STAT4: variants seen among roughly 807,000 people sequenced by gnomAD.
STAT4 encodes signal transducer and activator of transcription 4.
Under a neutral mutation model 110.5 loss-of-function variants are expected in STAT4, and 42 were observed. The ratio of observed to expected loss-of-function variants is 0.38; its 90% confidence interval spans 0.30 to 0.49. STAT4 has a LOEUF of 0.49. Ranked by LOEUF, STAT4 falls within the 20% of genes least tolerant of loss-of-function variation. STAT4 has a pLI of 0.95. For missense variants in STAT4, 632 were observed against 887.9 expected (o/e 0.71, Z 3.66); for synonymous variants, 284 against 302.2 (o/e 0.94, Z 0.63).
chr2:191,142,919 G>A lies in STAT4; in HGVS notation c.273+3694C>T, dbSNP rs896572637. 3.3e-5 allele frequency among the ~76,000 whole-genome samples: 5 copies of A among 152,064 alleles called. No individual in the cohort carries two copies. Among genetic ancestry groups the A allele is most frequent in the African/African-American group, 1.2e-4 (5 of 41,392 alleles). Reference sequence around the variant, plus strand: ...TGGTAGATATATGACATTATGCATTGTCAAAACCCATAAAATTATACAACA... The same window carrying A: ...TGGTAGATATATGACATTATGCATTATCAAAACCCATAAAATTATACAACA... On this transcript the variant is annotated intron_variant, in intron 3 of 23. Transcript: ENST00000392320. The surrounding 1 kb of genome is among the most constrained non-coding windows in gnomAD (Gnocchi z 4.1).
At chr2:191,106,395 C>T (rs1044294395) in intron 3 of STAT4, among the ~76,000 whole-genome samples, 2 of 151,738 alleles carry the variant, frequency 1.3e-5, no homozygotes, top group African/African-American at 4.8e-5. Flanking sequence ...CACGGTGGCT[C>T]ATGCCTGTAA....
chr2:191,088,795 T>C (rs1697708761), intron 3 of STAT4, among the ~76,000 whole-genome samples: 1 of 152,162 alleles, frequency 6.6e-6, no homozygotes, highest in South Asian at 2.1e-4. Context: ...AACTGACTTT[T>C]GACAAAAGGG....
chr2:191,123,581 T>C (rs574143628), intron 3 of STAT4, among the ~76,000 whole-genome samples: 11 of 152,332 alleles, frequency 7.2e-5, no homozygotes, highest in African/African-American at 2.4e-4. Flanking sequence ...AAATTGAAAA[T>C]GTGTTTAATA....
chr2:191,034,136 T>A lies in STAT4; in HGVS notation c.1621-131A>T, dbSNP rs561498200. On this transcript the variant is annotated intron_variant, in intron 18 of 23. Coordinates refer to ENST00000392320, the MANE Select transcript of STAT4 (RefSeq NM_003151.4). Reference sequence around the variant, plus strand: ...AACACCTTAATTTCTTTAAAAAATATTCTTGGCCTGGTGTGGTGGCTCATG... The same window carrying A: ...AACACCTTAATTTCTTTAAAAAATAATCTTGGCCTGGTGTGGTGGCTCATG... 286 of 729,048 alleles carry A rather than the reference T, an allele frequency of 3.9e-4. No homozygotes were observed. In the African/African-American group the frequency reaches 4.4e-3, roughly 11 times the overall value. The allele number at this position is 729,048 out of a possible 1,614,324, so 45.2% of individuals were successfully genotyped here.
intron 3 of STAT4, among the ~76,000 whole-genome samples, chr2:191,137,693 GAGAACCCAGAAATAA>G: frequency 6.6e-6 from 1 of 152,238 alleles, no homozygotes; most frequent in East Asian, 1.9e-4. Flanking sequence ...GAACAGAATA[GAGAACCCAGAAATAA>G]ATCCACATAT....
At position 191,029,979 on chromosome 2, in the gene STAT4, A is replaced by G. The variant is rs540196414; in HGVS notation, c.2221-113T>C. On this transcript the variant is annotated intron_variant, in intron 23 of 23. Coordinates refer to ENST00000392320, the MANE Select transcript of STAT4 (RefSeq NM_003151.4). This position sits in a 1 kb window ranked among gnomAD's most constrained non-coding sequence, Gnocchi z 4.5. ...CTACGAATTACTCCATAATTTTTCT[A>G]TTACCTAGTTAAAATACTTAAACTA... 115 of 829,328 alleles carry G rather than the reference A, an allele frequency of 1.4e-4. 2 individuals are homozygous for G. The South Asian group carries it at 1.7e-3, about 12-fold the overall frequency. The allele number at this position is 829,328 out of a possible 1,614,324, so 51.4% of individuals were successfully genotyped here.
At chr2:191,038,679 G>T (rs1696108925) in intron 16 of STAT4, among the ~76,000 whole-genome samples, 1 of 152,190 alleles carries the variant, frequency 6.6e-6, no homozygotes. Context: ...TTGGGTCAGT[G>T]TCACAACGAC....
rs1248538019 is a variant in STAT4, at chr2:191,116,826, T to A, written c.273+29787A>T. 2.6e-5 allele frequency among the ~76,000 whole-genome samples: 4 copies of A among 152,168 alleles called. No individual in the cohort carries two copies. The highest frequency in any genetic ancestry group is 7.2e-5 in the African/African-American group (3 of 41,432). The stretch of plus-strand genomic sequence containing the variant: ...TGTTGAATGAATAAATGACTGAAAG[T>A]AAATTTACTCAAATGTCTCAGAAAT... On this transcript the variant is annotated intron_variant, in intron 3 of 23. Transcript: ENST00000392320. The surrounding 1 kb of genome is among the most constrained non-coding windows in gnomAD (Gnocchi z 4.1).
At chr2:191,097,849 G>T (rs1252833449) in intron 3 of STAT4, among the ~76,000 whole-genome samples, 1 of 151,934 alleles carries the variant, frequency 6.6e-6, no homozygotes, top group Non-Finnish European at 1.5e-5. Context: ...GAAAAGTTTT[G>T]CAATCTACCC....
Position 191,077,749 on chromosome 2 carries a change from A to G in STAT4, c.274-1424T>C, listed in dbSNP as rs1382161236. Among the ~76,000 whole-genome samples the G allele has an allele frequency of 6.6e-6, 1 of 152,196 alleles. No individual in the cohort carries two copies. Among genetic ancestry groups the G allele is most frequent in the Non-Finnish European group, 1.5e-5 (1 of 68,026 alleles). ...ATGATGTATGTTAATTACCACTTCT[A>G]TTTGTAAAACAAGAGTAAACACCAA... On this transcript the variant is annotated intron_variant, in intron 3 of 23. Coordinates refer to ENST00000392320, the MANE Select transcript of STAT4 (RefSeq NM_003151.4). The surrounding 1 kb of genome is among the most constrained non-coding windows in gnomAD (Gnocchi z 4.1).
At chr2:191,041,754 A>C (rs1696204761) in intron 14 of STAT4, 1 of 152,292 alleles carries the variant, frequency 6.6e-6, no homozygotes, top group African/African-American at 2.4e-5. Context: ...GAAAGCACTG[A>C]GCTCCCTGAG....
intron 3 of STAT4, among the ~76,000 whole-genome samples, chr2:191,079,872 G>A (rs1697415002): frequency 1.3e-5 from 2 of 152,000 alleles, no homozygotes; most frequent in Admixed American, 6.6e-5. Flanking sequence ...TCTTGTAAAT[G>A]TTTCATGTGA....
At chr2:191,089,298 T>C (rs958529226) in intron 3 of STAT4, among the ~76,000 whole-genome samples, 19 of 152,164 alleles carry the variant, frequency 1.2e-4, no homozygotes, top group African/African-American at 4.6e-4. Flanking sequence ...AATAGGCATA[T>C]GAAAAGATGC....
Position 191,030,915 on chromosome 2 carries a change from C to A in STAT4, c.2220+57G>T. The A allele has an allele frequency of 6.6e-7, 1 of 1,512,422 alleles. No homozygotes were observed. The highest frequency in any genetic ancestry group is 9.2e-7 in the Non-Finnish European group (1 of 1,089,150). 93.7% of individuals were successfully genotyped at this position (1,512,422 alleles called of 1,614,324 possible). A position where few individuals can be genotyped will look rare whatever the true frequency, so the allele number is the denominator to read the frequency against. The stretch of plus-strand genomic sequence containing the variant: ...ATTTCAGCCCCTTTGATTCACACAC[C>A]ACCTTTGCATCGTTGGAAACACCTT... On this transcript the variant is annotated intron_variant, in intron 23 of 23. Transcript: ENST00000392320. The surrounding 1 kb of genome is among the most constrained non-coding windows in gnomAD (Gnocchi z 4.4).
intron 16 of STAT4, among the ~76,000 whole-genome samples, chr2:191,038,599 C>T (rs946689330): frequency 6.6e-6 from 1 of 152,128 alleles, no homozygotes; most frequent in South Asian, 2.1e-4. Flanking sequence ...TCTTTTTTGC[C>T]ACTCCCTTCC....
rs1446527149 is a variant in STAT4, at chr2:191,105,489, T to C, written c.274-29164A>G. On this transcript the variant is annotated intron_variant, in intron 3 of 23. Transcript: ENST00000392320. ...TCCTGATTATGAGTACATCAGATTATCTTAAACAGTATTATTTGTCTTTTA... is the reference window on the plus strand; with the variant it reads ...TCCTGATTATGAGTACATCAGATTACCTTAAACAGTATTATTTGTCTTTTA... Among the ~76,000 whole-genome samples the C allele has an allele frequency of 2.0e-5, 3 of 152,342 alleles. No individual in the cohort carries two copies. In the East Asian group the frequency reaches 5.8e-4, roughly 29 times the overall value.
Position 191,030,969 on chromosome 2 carries a change from T to C in STAT4, c.2220+3A>G. The C allele has an allele frequency of 6.2e-7, 1 of 1,612,528 alleles. No individual in the cohort carries two copies. Among genetic ancestry groups the C allele is most frequent in the Non-Finnish European group, 8.5e-7 (1 of 1,178,552 alleles). On this transcript the variant is annotated splice_donor_region_variant and intron_variant, in intron 23 of 23. Coordinates refer to ENST00000392320, the MANE Select transcript of STAT4 (RefSeq NM_003151.4). The surrounding 1 kb of genome is among the most constrained non-coding windows in gnomAD (Gnocchi z 4.4). ...CCAGCAATGGAAAATAAAGGGAACATACTGCAGTTTCAATTGTTGTGGGAC... is the reference window on the plus strand; with the variant it reads ...CCAGCAATGGAAAATAAAGGGAACACACTGCAGTTTCAATTGTTGTGGGAC...
intron 3 of STAT4, among the ~76,000 whole-genome samples, chr2:191,128,401 T>C (rs1698940867): frequency 1.3e-5 from 2 of 152,144 alleles, no homozygotes; most frequent in Admixed American, 6.5e-5. Context: ...CAACATGAGT[T>C]AGAAGAGAGG....
intron 3 of STAT4, among the ~76,000 whole-genome samples, chr2:191,121,785 G>C (rs1185718990): frequency 7.6e-6 from 1 of 130,796 alleles, no homozygotes; most frequent in Non-Finnish European, 1.7e-5. Flanking sequence ...GTGGGGGGAA[G>C]GGGGAGGGGG....
Sources: allele counts gnomAD v4.1 joint callset (sites outside exome capture counted in the v4.1 genomes callset), GRCh38; gene constraint gnomAD v4.1.1; non-coding constraint Gnocchi (gnomAD v3.1); transcripts MANE v1.5; gene names NCBI Gene and HGNC (gene_info 2026-07-23, HGNC 2026-07-21).